Variants in ZNF827 observed in about 807,000 individuals in gnomAD.
ZNF827 encodes the protein zinc finger protein 827.
Under a neutral mutation model 102.4 loss-of-function variants are expected in ZNF827, and 13 were observed. The ratio of observed to expected loss-of-function variants is 0.13; its 90% CI spans 0.08 to 0.20. The LOEUF (loss-of-function observed/expected upper bound fraction) is 0.20. Ranked by LOEUF, ZNF827 falls within the 10% of genes least tolerant of loss-of-function variation. ZNF827 has a pLI of 1.00. For missense variants in ZNF827, 1,103 were observed against 1,344.4 expected, an observed-to-expected ratio of 0.82 and a Z score of 2.81; for synonymous variants, 523 against 536.2, an observed-to-expected ratio of 0.98 and a Z score of 0.34.
chr4:145,891,416 T>A (rs1750595167), intron 3 of ZNF827, among the ~76,000 whole-genome samples: 1 of 152,200 alleles, frequency 6.6e-6, no homozygotes, highest in South Asian at 2.1e-4. Flanking sequence ...TCCCATGAGT[T>A]TCCTCCTGGA....
At chr4:145,923,991 A>T (rs1209017003) in intron 1 of ZNF827, among the ~76,000 whole-genome samples, 1 of 152,222 alleles carries the variant, frequency 6.6e-6, no homozygotes. Flanking sequence ...TGCTGTTCAA[A>T]ACAGCAAAAA....
In ZNF827 at chr4:145,917,700, C is replaced by CAAAAAAAA. The variant is rs763617063; in HGVS notation, c.44-14493_44-14486dup. Among the ~76,000 whole-genome samples the CAAAAAAAA allele has an allele frequency of 1.3e-3, 60 of 46,842 alleles. 3 individuals carry two copies. Among genetic ancestry groups the CAAAAAAAA allele is most frequent in the Middle Eastern group, 0.02 (1 of 50 alleles). 30.7% of individuals were successfully genotyped at this position (46,842 alleles called of 152,430 possible). A position where few individuals can be genotyped will look rare whatever the true frequency, so the allele number is the denominator to read the frequency against. On this transcript the variant is annotated intron_variant, in intron 1 of 14. Transcript: ENST00000508784. Reference sequence around the variant, plus strand: ...AAGGCTCAACTCCAAGGTAGCTGGTCAAAAAAAAAAAAAAAAAAAAAAAAA... The same window carrying CAAAAAAAA: ...AAGGCTCAACTCCAAGGTAGCTGGTCAAAAAAAAAAAAAAAAAAAAAAAAAAAAAAAAA...
In ZNF827 at chr4:145,845,969, G is replaced by C; in HGVS notation, c.2266C>G (p.Arg756Gly). The C allele has an allele frequency of 6.2e-7, 1 of 1,614,142 alleles. No individual in the cohort carries two copies. The highest frequency in any genetic ancestry group is 8.5e-7 in the Non-Finnish European group (1 of 1,180,034). ...EHNHTKENTI[R>G]TTTSPFFSED... ...AAAGTCGCCTACCTGGTCGTGGTCCGGATGGTGTTTTCTTTTGTATGATTG... is the reference window on the plus strand; with the variant it reads ...AAAGTCGCCTACCTGGTCGTGGTCCCGATGGTGTTTTCTTTTGTATGATTG... Residue 756 changes from arginine to glycine, a missense_variant, in exon 7 of 15, where the codon CGG becomes GGG. By Grantham distance (125) the Arg-to-Gly change is moderately radical (BLOSUM62 -2). This residue lies in a region of ZNF827 where 243 missense variants were observed against 251.6 expected (regional missense o/e 0.97). Coordinates refer to ENST00000508784, the MANE Select transcript of ZNF827 (RefSeq NM_001306215.2).
intron 8 of ZNF827, among the ~76,000 whole-genome samples, chr4:145,805,071 G>T (rs1173260713): frequency 1.3e-5 from 2 of 151,914 alleles, no homozygotes; most frequent in Non-Finnish European, 2.9e-5. Flanking sequence ...TTTTATTGGA[G>T]AATTCATAGT....
intron 8 of ZNF827, among the ~76,000 whole-genome samples, chr4:145,815,575 CT>C (rs1252380089): frequency 6.6e-6 from 1 of 152,124 alleles, no homozygotes; most frequent in Non-Finnish European, 1.5e-5. Context: ...AATTACTTTT[CT>C]TTTTTCTATC....
rs1751494714 is a variant in ZNF827, at chr4:145,902,388, G to C, written c.871C>G (p.Leu291Val). 1 of 1,613,504 alleles carries C rather than the reference G, an allele frequency of 6.2e-7. No individual in the cohort carries two copies. The highest frequency in any genetic ancestry group is 8.5e-7 in the Non-Finnish European group (1 of 1,179,588). ...LASMTSSAAL[L>V]KEVAARAAGS... is the part of the protein sequence containing the mutation. ...GCAGCCCTTGCGGCCACCTCCTTCA[G>C]AAGGGCCGCTGAGGAGGTCATAGAA... The change falls in exon 2 of 15, where the codon CTG (leucine) becomes GTG (valine). Residue 291 changes from leucine to valine, a missense_variant. Around this residue, in one of 5 missense-constraint regions of ZNF827, gnomAD observed 441 missense variants for 458.6 expected, o/e 0.96. Coordinates refer to ENST00000508784, the MANE Select transcript of ZNF827 (RefSeq NM_001306215.2). This position sits in a 1 kb window ranked among gnomAD's most constrained non-coding sequence, Gnocchi z 4.3.
At chr4:145,880,232 T>TA (rs990919404) in intron 4 of ZNF827, among the ~76,000 whole-genome samples, 1 of 151,948 alleles carries the variant, frequency 6.6e-6, no homozygotes, top group Non-Finnish European at 1.5e-5. Context: ...AGACTCCGTC[T>TA]AAAAAAAAGA....
chr4:145,833,572 C>T (rs1035089257), intron 7 of ZNF827, among the ~76,000 whole-genome samples: 6 of 150,292 alleles, frequency 4.0e-5, no homozygotes, highest in Non-Finnish European at 7.4e-5. Flanking sequence ...TCAACCCCTT[C>T]TCCTTCACCC....
Position 145,903,125 on chromosome 4 carries a change from T to C in ZNF827, c.134A>G (p.Tyr45Cys), listed in dbSNP as rs368018297. ...NSSETPSEAS[Y>C]GEVQENYKLS... The stretch of plus-strand genomic sequence containing the variant: ...CTTATAGTTCTCCTGGACTTCCCCA[T>C]AGGATGCTTCTGACGGAGTCTCTGA... The change falls in exon 2 of 15, where the codon TAT becomes TGT. Residue 45 changes from tyrosine to cysteine, a missense_variant. Around this residue, in one of 5 missense-constraint regions of ZNF827, gnomAD observed 441 missense variants for 458.6 expected, o/e 0.96. Coordinates refer to ENST00000508784, the MANE Select transcript of ZNF827 (RefSeq NM_001306215.2). The C allele has an allele frequency of 6.2e-7, 1 of 1,614,096 alleles. No individual in the cohort carries two copies.
At chr4:145,803,389 A>C (rs1741107502) in intron 8 of ZNF827, among the ~76,000 whole-genome samples, 1 of 152,132 alleles carries the variant, frequency 6.6e-6, no homozygotes, top group Non-Finnish European at 1.5e-5. Flanking sequence ...ATTTGAAAAA[A>C]AAATGAGCTC....
rs547909193 is a variant in ZNF827, at chr4:145,874,509, A to G, written c.1748-4031T>C. On this transcript the variant is annotated intron_variant, in intron 4 of 14. Transcript: ENST00000508784. ...ACATTGAGAACAGTACATAAAGCCT[A>G]TATTTTAAAATTAATATGACTTAAT... Among the ~76,000 whole-genome samples the G allele has an allele frequency of 2.0e-5, 3 of 152,348 alleles. No homozygotes were observed. The South Asian group carries it at 6.2e-4, about 32-fold the overall frequency.
In ZNF827 at chr4:145,865,318, A is replaced by G. The variant is rs1748090801; in HGVS notation, c.1981+4927T>C. Among the ~76,000 whole-genome samples, 3 of 152,238 alleles carry G rather than the reference A, an allele frequency of 2.0e-5. No individual in the cohort carries two copies. In the South Asian group the frequency reaches 6.2e-4, roughly 32 times the overall value. On this transcript the variant is annotated intron_variant, in intron 5 of 14. Coordinates refer to ENST00000508784, the MANE Select transcript of ZNF827 (RefSeq NM_001306215.2). Reference sequence around the variant, plus strand: ...TGAAGAGAGATGGTTCTTTTTAAAAAGTAAAATGTACATTTAATAGAGCTT... The same window carrying G: ...TGAAGAGAGATGGTTCTTTTTAAAAGGTAAAATGTACATTTAATAGAGCTT...
chr4:145,846,979 AC>A (rs1415468374), intron 6 of ZNF827, among the ~76,000 whole-genome samples: 1 of 144,412 alleles, frequency 6.9e-6, no homozygotes, highest in Admixed American at 7.0e-5. Context: ...CATGGTGAAA[AC>A]CCGTCTCTAC....
intron 8 of ZNF827, among the ~76,000 whole-genome samples, chr4:145,797,525 C>A (rs1339841225): frequency 6.6e-6 from 1 of 152,170 alleles, no homozygotes; most frequent in Admixed American, 6.5e-5. Flanking sequence ...AGCTGCCTGA[C>A]AGGAAAAGGA....
chr4:145,774,789 GTC>G, intron 10 of ZNF827, 117 bp from the exon 11 acceptor site: 1 of 1,165,622 alleles, frequency 8.6e-7, no homozygotes. Flanking sequence ...AAACACATTT[GTC>G]TCTCCACCAA....
chr4:145,782,057 C>A (rs1300403867), intron 8 of ZNF827, among the ~76,000 whole-genome samples: 1 of 152,224 alleles, frequency 6.6e-6, no homozygotes, highest in Admixed American at 6.5e-5. Context: ...TCCCCGGAGT[C>A]GCAGTGAGGC....
intron 5 of ZNF827, among the ~76,000 whole-genome samples, chr4:145,868,236 A>G (rs991473434): frequency 1.3e-5 from 2 of 152,208 alleles, no homozygotes; most frequent in African/African-American, 4.8e-5. Context: ...AGCGCAAATC[A>G]CATGAATGGA....
intron 8 of ZNF827, among the ~76,000 whole-genome samples, chr4:145,816,871 G>A (rs1742642115): frequency 6.6e-6 from 1 of 152,200 alleles, no homozygotes. Flanking sequence ...AGGGCAACCA[G>A]TTTGTGTTAC....
intron 13 of ZNF827, among the ~76,000 whole-genome samples, chr4:145,764,052 T>C (rs1199794732): frequency 6.6e-6 from 1 of 152,246 alleles, no homozygotes; most frequent in Admixed American, 6.5e-5. Context: ...GCCACCTCTC[T>C]GGCAGGTTGT....
Sources: gnomAD v4.1 joint callset for allele counts (sites outside exome capture counted in the v4.1 genomes callset) on GRCh38, gnomAD v4.1.1 for gene constraint, gnomAD v4.1.1 regional missense constraint, Gnocchi (gnomAD v3.1) non-coding constraint, MANE v1.5 for transcripts, NCBI Gene and HGNC (gene_info 2026-07-23, HGNC 2026-07-21) for gene names.